DPYD: variants seen among roughly 807,000 people sequenced by gnomAD.
DPYD encodes the protein dihydropyrimidine dehydrogenase [NADP(+)].
Under a neutral mutation model 116.2 loss-of-function variants are expected in DPYD, and 109 were observed. That is an observed-to-expected ratio of 0.94 (90% CI 0.80 to 1.10). The LOEUF is 1.10. DPYD is among the 50% of genes least tolerant of loss of function. The probability of loss-of-function intolerance (pLI) is 0.00; values close to 1 mark genes in which losing one functional copy is unlikely to be tolerated. For missense variants in DPYD, 1,302 were observed against 1,254.5 expected, an observed-to-expected ratio of 1.04 and a Z score of -0.57; for synonymous variants, 440 against 432.0, an observed-to-expected ratio of 1.02 and a Z score of -0.23.
intron 8 of DPYD, among the ~76,000 whole-genome samples, chr1:97,653,508 T>G (rs995390611): frequency 6.6e-6 from 1 of 152,068 alleles, no homozygotes; most frequent in Non-Finnish European, 1.5e-5. Context: ...TTTCACCATG[T>G]TGGCCAGGAT....
chr1:97,666,949 T>A (rs1210450669), intron 8 of DPYD, among the ~76,000 whole-genome samples: 2 of 152,226 alleles, frequency 1.3e-5, no homozygotes, highest in Admixed American at 1.3e-4. Flanking sequence ...AAGCAACTAA[T>A]GTTCTTAAGT....
At chr1:97,910,015 CT>C (rs1673852848) in intron 1 of DPYD, among the ~76,000 whole-genome samples, 1 of 152,040 alleles carries the variant, frequency 6.6e-6, no homozygotes, top group Non-Finnish European at 1.5e-5. Context: ...TCAAAAGCCC[CT>C]AGCAGACTTC....
intron 8 of DPYD, among the ~76,000 whole-genome samples, chr1:97,664,960 C>G (rs1659479617): frequency 6.6e-6 from 1 of 152,028 alleles, no homozygotes; most frequent in African/African-American, 2.4e-5. Context: ...CACTAAAAGT[C>G]TAACACATTT....
intron 3 of DPYD, among the ~76,000 whole-genome samples, chr1:97,755,301 T>A (rs1171705253): frequency 6.6e-6 from 1 of 152,170 alleles, no homozygotes; most frequent in Non-Finnish European, 1.5e-5. Flanking sequence ...CAGGGCAGGC[T>A]GCTTCCCTGA....
At chr1:97,107,606 A>G (rs1452665875) in intron 20 of DPYD, among the ~76,000 whole-genome samples, 1 of 152,106 alleles carries the variant, frequency 6.6e-6, no homozygotes, top group African/African-American at 2.4e-5. Flanking sequence ...TGCAAAGCAC[A>G]TGAGTACATT....
chr1:97,885,956 A>G (rs1262178677), intron 1 of DPYD, among the ~76,000 whole-genome samples: 1 of 69,392 alleles, frequency 1.4e-5, no homozygotes, highest in Admixed American at 1.5e-4. Context: ...GACCATTAAG[A>G]GGTCACCTCT....
chr1:97,589,788 C>A (rs988441224), intron 10 of DPYD, among the ~76,000 whole-genome samples: 1 of 152,126 alleles, frequency 6.6e-6, no homozygotes, highest in Non-Finnish European at 1.5e-5. Flanking sequence ...ACAAACCATG[C>A]TATTTCCAAA....
At chr1:97,463,000 CTCTT>C (rs1677108435) in intron 13 of DPYD, among the ~76,000 whole-genome samples, 1 of 152,308 alleles carries the variant, frequency 6.6e-6, no homozygotes, top group East Asian at 1.9e-4. Flanking sequence ...TTCAGATAAA[CTCTT>C]TCAACCAACT....
At chr1:97,272,847 T>C (rs555189527) in intron 18 of DPYD, among the ~76,000 whole-genome samples, 1 of 152,244 alleles carries the variant, frequency 6.6e-6, no homozygotes, top group East Asian at 1.9e-4. Flanking sequence ...TTATAAGGTG[T>C]CTCTGAGATC....
chr1:97,842,903 A>G (rs1670107366), intron 2 of DPYD, among the ~76,000 whole-genome samples: 1 of 152,100 alleles, frequency 6.6e-6, no homozygotes, highest in Admixed American at 6.5e-5. Context: ...AAGCACTTAT[A>G]CTTCCCATCC....
chr1:97,562,392 C>A (rs1652212076), intron 11 of DPYD, among the ~76,000 whole-genome samples: 1 of 152,126 alleles, frequency 6.6e-6, no homozygotes, highest in Admixed American at 6.5e-5. Context: ...ATTTGGCAAA[C>A]ACTTACTATG....
At chr1:97,448,401 AAAT>A (rs1369027457) in intron 14 of DPYD, among the ~76,000 whole-genome samples, 1 of 152,154 alleles carries the variant, frequency 6.6e-6, no homozygotes, top group Non-Finnish European at 1.5e-5. Flanking sequence ...TAAATAGAGA[AAAT>A]AATACTACCT....
chr1:97,203,819 GAAC>G (rs1352435821), intron 19 of DPYD, among the ~76,000 whole-genome samples: 7 of 58,706 alleles, frequency 1.2e-4, no homozygotes, highest in Non-Finnish European at 1.0e-4. Flanking sequence ...AAAAAAAAAA[GAAC>G]AACTCACCTA....
intron 8 of DPYD, among the ~76,000 whole-genome samples, chr1:97,640,265 C>G (rs563849975): frequency 4.7e-4 from 72 of 152,012 alleles, no homozygotes; most frequent in South Asian, 1.0e-3. Context: ...TTGCTTCCAG[C>G]TTCTTGTAGA....
intron 14 of DPYD, among the ~76,000 whole-genome samples, chr1:97,444,957 A>G (rs143022055): frequency 0.017 from 2,600 of 152,284 alleles, 38 homozygotes; most frequent in Non-Finnish European, 0.026. Context: ...TTTGTGTTCA[A>G]TAAGATACCA....
chr1:97,605,287 T>C (rs1247417579), intron 8 of DPYD, among the ~76,000 whole-genome samples: 2 of 152,080 alleles, frequency 1.3e-5, no homozygotes, highest in Non-Finnish European at 2.9e-5. Context: ...TCATCTTGAA[T>C]TGTAATCTCT....
intron 19 of DPYD, among the ~76,000 whole-genome samples, chr1:97,229,456 G>C (rs1340835542): frequency 3.4e-5 from 5 of 147,122 alleles, no homozygotes; most frequent in Non-Finnish European, 6.0e-5. Flanking sequence ...TAGAATGGAA[G>C]AAAGATGGAA....
chr1:97,854,462 G>A (rs1670719929), intron 2 of DPYD, among the ~76,000 whole-genome samples: 1 of 152,170 alleles, frequency 6.6e-6, no homozygotes, highest in African/African-American at 2.4e-5. Context: ...CTGGGAAGAA[G>A]CTCAGGTGCC....
intron 20 of DPYD, among the ~76,000 whole-genome samples, chr1:97,151,636 T>C (rs557045193): frequency 3.0e-4 from 46 of 151,788 alleles, no homozygotes; most frequent in African/African-American, 1.0e-3. Flanking sequence ...GATTGTGCCA[T>C]TGCACTCCAG....
Sources: allele counts gnomAD v4.1 joint callset (sites outside exome capture counted in the v4.1 genomes callset), GRCh38; gene constraint gnomAD v4.1.1; transcripts MANE v1.5; gene names NCBI Gene and HGNC (gene_info 2026-07-23, HGNC 2026-07-21).